BCORL1: variants seen among roughly 807,000 people sequenced by gnomAD.
The protein encoded by BCORL1 is BCL6 corepressor like 1, also known as BCL-6 corepressor-like protein 1.
BCORL1 carries 7 observed loss-of-function variants against 87.6 expected under a neutral mutation model. That is an observed-to-expected ratio of 0.08 (90% confidence interval 0.05 to 0.15). BCORL1 has a LOEUF of 0.15. Ranked by LOEUF, BCORL1 falls within the 10% of genes least tolerant of loss-of-function variation. The pLI, the probability that BCORL1 is intolerant of heterozygous loss-of-function variation, is 1.00. For missense variants in BCORL1, 1,215 were observed against 1,499.7 expected (o/e 0.81, Z 3.13); for synonymous variants, 591 against 634.4 (o/e 0.93, Z 1.03).
chrX:130,047,410 C>T (rs1174865250), intron 11 of BCORL1, among the ~76,000 whole-genome samples: 2 of 112,091 alleles, frequency 1.8e-5, no homozygotes, highest in East Asian at 2.8e-4. Context: ...GCCACACCAC[C>T]GACCAAATCT....
intron 8 of BCORL1, among the ~76,000 whole-genome samples, chrX:130,030,862 G>GACCTTCCTTTCCCCCTCCC (rs1930553341): frequency 8.9e-6 from 1 of 112,053 alleles, no homozygotes; most frequent in Non-Finnish European, 1.9e-5. Flanking sequence ...CCCTCCCTCT[G>GACCTTCCTTTCCCCCTCCC]ACCTTCCTTT....
At chrX:130,031,967 G>A (rs1930633167) in intron 8 of BCORL1, among the ~76,000 whole-genome samples, 1 of 111,406 alleles carries the variant, frequency 9.0e-6, no homozygotes, top group East Asian at 2.8e-4. Flanking sequence ...ATCAGATTAC[G>A]TGGTTCAGAC....
At chrX:129,991,727 G>A (rs1237250212) in intron 1 of BCORL1, among the ~76,000 whole-genome samples, 5 of 87,790 alleles carry the variant, frequency 5.7e-5, no homozygotes, top group Admixed American at 1.4e-4. Flanking sequence ...GTGCGATCTC[G>A]GCTCACTGCA....
chrX:129,983,283 A>G (rs1926274215), intron 1 of BCORL1, among the ~76,000 whole-genome samples: 1 of 106,373 alleles, frequency 9.4e-6, no homozygotes, highest in Non-Finnish European at 1.9e-5. Context: ...CCTGGGGGGG[A>G]AACCATAGGA....
Position 130,056,324 on chromosome X carries a change from C to T in BCORL1, c.*188C>T. 2.4e-6 allele frequency: 1 copy of T among 417,388 alleles called. No individual in the cohort carries two copies. The highest frequency in any genetic ancestry group is 3.9e-6 in the Non-Finnish European group (1 of 258,697). 34.4% of individuals were successfully genotyped at this position (417,388 alleles called of 1,213,427 possible). On this transcript the variant is annotated 3_prime_UTR_variant, in exon 14 of 14. Transcript: ENST00000540052. ...TTTTTTGGTTACAATTAGTTCTCAT[C>T]TCCCTGTCGTCGTCATTGTTATCGT...
intron 8 of BCORL1, among the ~76,000 whole-genome samples, chrX:130,032,733 CTATTTATT>C (rs61204194): frequency 0.014 from 1,251 of 87,558 alleles, 12 homozygotes; most frequent in Non-Finnish European, 0.02. Context: ...AGAATCTCTT[CTATTTATT>C]TATTTATTTA....
At chrX:130,038,684 G>T (rs1350403799) in intron 10 of BCORL1, among the ~76,000 whole-genome samples, 1 of 111,363 alleles carries the variant, frequency 9.0e-6, no homozygotes, top group African/African-American at 3.3e-5. Context: ...GCTTCACCAT[G>T]TTGGCCAGGC....
intron 11 of BCORL1, among the ~76,000 whole-genome samples, chrX:130,048,815 C>T (rs1931905148): frequency 8.9e-6 from 1 of 111,834 alleles, no homozygotes; most frequent in Non-Finnish European, 1.9e-5. Context: ...TAAGCATACC[C>T]TCCCGCTCTC....
chrX:130,008,529 TTGAGATTACAGATG>T (rs1928693325), intron 2 of BCORL1, among the ~76,000 whole-genome samples: 1 of 111,100 alleles, frequency 9.0e-6, no homozygotes. Context: ...TCCCAAAGTG[TTGAGATTACAGATG>T]TGAGCCACCA....
chrX:130,032,647 C>T (rs1930682668), intron 8 of BCORL1, among the ~76,000 whole-genome samples: 3 of 111,700 alleles, frequency 2.7e-5, no homozygotes, highest in Non-Finnish European at 5.7e-5. Context: ...ATTCCTGTCC[C>T]TCCCACATGC....
chrX:130,020,290 T>G (rs1374969645), intron 4 of BCORL1, among the ~76,000 whole-genome samples: 2 of 111,942 alleles, frequency 1.8e-5, no homozygotes, highest in African/African-American at 6.5e-5. Context: ...GTGGGGATAA[T>G]ATTAGCTTCT....
intron 1 of BCORL1, among the ~76,000 whole-genome samples, chrX:129,995,618 T>G (rs1927511729): frequency 9.1e-6 from 1 of 109,834 alleles, no homozygotes; most frequent in Non-Finnish European, 1.9e-5. Context: ...TTTTGTATTT[T>G]TAGTAGAGAT....
chrX:130,014,952 C>G lies in BCORL1; in HGVS notation c.2180C>G (p.Ser727Cys), dbSNP rs753285214. 37 of 1,211,721 alleles carry G rather than the reference C, an allele frequency of 3.1e-5. No individual in the cohort carries two copies. The highest frequency in any genetic ancestry group is 4.0e-5 in the Non-Finnish European group (36 of 895,427). Residue 727 changes from serine to cysteine, a missense_variant, in exon 4 of 14, where the codon TCC becomes TGC. Ser to Cys is a moderately radical substitution (Grantham distance 112). Transcript: ENST00000540052. ...GGAGTGGCCAACCCAGTGCCTGCATCCCTGCTGCTGAACAAAGACCCCAAC... is the reference window on the plus strand; with the variant it reads ...GGAGTGGCCAACCCAGTGCCTGCATGCCTGCTGCTGAACAAAGACCCCAAC... ...YVGVANPVPASLLLNKDPNLG... is the reference protein window; with the variant it reads ...YVGVANPVPACLLLNKDPNLG...
chrX:129,997,986 C>CAT (rs754498901), intron 1 of BCORL1, among the ~76,000 whole-genome samples: 11,736 of 95,826 alleles, frequency 0.12, 718 homozygotes, highest in African/African-American at 0.19. Context: ...TGAAGTTTTA[C>CAT]ATATATATAT....
At chrX:129,987,057 C>G (rs1460326835) in intron 1 of BCORL1, among the ~76,000 whole-genome samples, 1 of 111,374 alleles carries the variant, frequency 9.0e-6, no homozygotes, top group African/African-American at 3.3e-5. Flanking sequence ...GTGATCATCA[C>G]TGGTCCCATG....
chrX:129,985,865 T>C (rs1422212366), intron 1 of BCORL1, among the ~76,000 whole-genome samples: 3 of 110,347 alleles, frequency 2.7e-5, no homozygotes, highest in African/African-American at 6.6e-5. Flanking sequence ...CTTTTCTTTT[T>C]TTTTTTTAGA....
Position 130,025,471 on chromosome X carries a change from C to A in BCORL1, c.4078+92C>A, listed in dbSNP as rs940957821. ...CTACGCCAGCCAAAGGCTTCGGGAC[C>A]CAGAGAAACCCGGTGCTATGATCTC... is the stretch of plus-strand genomic sequence containing the variant. On this transcript the variant is annotated intron_variant, in intron 7 of 13. Transcript: ENST00000540052. The A allele has an allele frequency of 1.5e-4, 128 of 834,545 alleles. No homozygotes were observed. In the Middle Eastern group the frequency reaches 7.4e-3, roughly 48 times the overall value. 68.8% of individuals were successfully genotyped at this position (834,545 alleles called of 1,213,427 possible).
At chrX:130,010,058 G>A (rs1451979027) in intron 2 of BCORL1, among the ~76,000 whole-genome samples, 1 of 112,131 alleles carries the variant, frequency 8.9e-6, no homozygotes, top group Non-Finnish European at 1.9e-5. Context: ...TATGGCTGGA[G>A]TGGCCAGGAC....
chrX:130,032,124 T>C (rs1248455319), intron 8 of BCORL1, among the ~76,000 whole-genome samples: 3 of 112,017 alleles, frequency 2.7e-5, no homozygotes, highest in Non-Finnish European at 5.6e-5. Context: ...CAAATTACTA[T>C]ACAACTTAGC....
Sources: gnomAD v4.1 joint callset for allele counts (sites outside exome capture counted in the v4.1 genomes callset) on GRCh38, gnomAD v4.1.1 for gene constraint, MANE v1.5 for transcripts, NCBI Gene and HGNC (gene_info 2026-07-23, HGNC 2026-07-21) for gene names.